Variants in EPHB1 observed in about 807,000 individuals in gnomAD.
EPHB1 encodes the protein ephrin type-B receptor 1.
EPHB1 carries 30 observed loss-of-function variants against 94.4 expected under a neutral mutation model. The ratio of observed to expected loss-of-function variants is 0.32; its 90% confidence interval spans 0.24 to 0.43. EPHB1 has a LOEUF of 0.43. Ranked by LOEUF, EPHB1 falls within the 20% of genes least tolerant of loss-of-function variation. The probability of loss-of-function intolerance (pLI) is 1.00; values close to 1 mark genes in which losing one functional copy is unlikely to be tolerated. For missense variants in EPHB1, 1,055 were observed against 1,308.3 expected (o/e 0.81, Z 2.99); for synonymous variants, 522 against 489.1 (o/e 1.07, Z -0.89).
chr3:135,091,182 C>A (rs981876145), intron 3 of EPHB1, among the ~76,000 whole-genome samples: 3 of 152,194 alleles, frequency 2.0e-5, no homozygotes, highest in African/African-American at 7.2e-5. Flanking sequence ...GTGGGACCAA[C>A]TACAAAGCTG....
chr3:134,928,628 C>T (rs910669295), intron 2 of EPHB1, among the ~76,000 whole-genome samples: 1 of 152,158 alleles, frequency 6.6e-6, no homozygotes, highest in Non-Finnish European at 1.5e-5. Context: ...AAGCTTGAAG[C>T]GTCTCTGAGG....
chr3:134,866,332 G>A lies in EPHB1; in HGVS notation c.59-59484G>A, dbSNP rs145552667. On this transcript the variant is annotated intron_variant, in intron 1 of 15. Transcript: ENST00000398015. ...GTATGTGACAAAGAAAGAGTCACTC[G>A]AGGAGTACTGACTGCTCTCGGCTGG... 3.9e-4 allele frequency among the ~76,000 whole-genome samples: 59 copies of A among 152,326 alleles called. No homozygotes were observed. In the East Asian group the frequency reaches 0.011, roughly 29 times the overall value.
intron 1 of EPHB1, among the ~76,000 whole-genome samples, chr3:134,854,266 A>G (rs558013096): frequency 2.0e-4 from 31 of 152,116 alleles, no homozygotes; most frequent in African/African-American, 6.3e-4. Flanking sequence ...GCCTCTTGTG[A>G]GTGGAGGAAT....
chr3:134,798,917 G>A (rs1245264425), intron 1 of EPHB1, among the ~76,000 whole-genome samples: 1 of 152,226 alleles, frequency 6.6e-6, no homozygotes, highest in Non-Finnish European at 1.5e-5. Flanking sequence ...CCATGCACCT[G>A]CAGAAGGCCT....
At chr3:135,131,753 C>A (rs1203697521) in intron 4 of EPHB1, among the ~76,000 whole-genome samples, 1 of 152,178 alleles carries the variant, frequency 6.6e-6, no homozygotes, top group African/African-American at 2.4e-5. Flanking sequence ...TGAAAAGTAG[C>A]CATAAACAGA....
intron 1 of EPHB1, among the ~76,000 whole-genome samples, chr3:134,890,481 T>C (rs1257318335): frequency 1.3e-5 from 2 of 152,250 alleles, no homozygotes; most frequent in African/African-American, 2.4e-5. Flanking sequence ...ACTAACACTC[T>C]TGCATGTACC....
At chr3:134,816,886 G>T (rs2036283886) in intron 1 of EPHB1, among the ~76,000 whole-genome samples, 1 of 152,068 alleles carries the variant, frequency 6.6e-6, no homozygotes, top group Middle Eastern at 3.4e-3. Context: ...GGGCTTCCTG[G>T]GGCACTCACC....
intron 3 of EPHB1, among the ~76,000 whole-genome samples, chr3:134,967,525 T>C (rs1401364090): frequency 2.0e-5 from 3 of 152,130 alleles, no homozygotes; most frequent in Admixed American, 1.3e-4. Context: ...GTGGATCTTA[T>C]AATAGTTATA....
At chr3:135,227,210 A>C (rs552928663) in intron 12 of EPHB1, among the ~76,000 whole-genome samples, 4 of 152,374 alleles carry the variant, frequency 2.6e-5, no homozygotes, top group African/African-American at 4.8e-5. Context: ...GTTTAAAGTA[A>C]AAAGTGAGTC....
intron 5 of EPHB1, among the ~76,000 whole-genome samples, chr3:135,141,615 G>GCTAC (rs1940833276): frequency 6.6e-6 from 1 of 152,178 alleles, no homozygotes; most frequent in Non-Finnish European, 1.5e-5. Flanking sequence ...GTGAGGTCCT[G>GCTAC]CTACCATCTG....
At chr3:135,030,010 T>C (rs1398451483) in intron 3 of EPHB1, among the ~76,000 whole-genome samples, 6 of 151,422 alleles carry the variant, frequency 4.0e-5, no homozygotes, top group Admixed American at 6.6e-5. Context: ...TTCCAGTTGA[T>C]TGCATCGGCT....
intron 6 of EPHB1, among the ~76,000 whole-genome samples, chr3:135,157,644 G>C (rs1205756744): frequency 6.6e-6 from 1 of 152,174 alleles, no homozygotes; most frequent in Non-Finnish European, 1.5e-5. Context: ...GCAAATATTG[G>C]TTACCATTTG....
At chr3:134,909,839 A>G (rs1355576229) in intron 1 of EPHB1, among the ~76,000 whole-genome samples, 11 of 152,208 alleles carry the variant, frequency 7.2e-5, no homozygotes, top group Admixed American at 7.2e-4. Context: ...GGAAGAGGTG[A>G]CTTCCAGATT....
intron 1 of EPHB1, among the ~76,000 whole-genome samples, chr3:134,806,192 T>C (rs1578099916): frequency 1.3e-5 from 2 of 152,362 alleles, no homozygotes; most frequent in East Asian, 1.9e-4. Context: ...TGAATATGGA[T>C]TGGCCTTAGG....
intron 12 of EPHB1, among the ~76,000 whole-genome samples, chr3:135,232,862 C>A (rs994610348): frequency 3.9e-5 from 6 of 152,050 alleles, no homozygotes; most frequent in Non-Finnish European, 5.9e-5. Context: ...AAGTGCCAAG[C>A]AAAAGGGGGG....
intron 2 of EPHB1, among the ~76,000 whole-genome samples, chr3:134,949,386 A>G (rs1238818447): frequency 1.3e-5 from 2 of 151,254 alleles, no homozygotes; most frequent in Non-Finnish European, 2.9e-5. Context: ...CTGGGCATGC[A>G]GGGCCAGCTC....
At chr3:135,108,911 C>G (rs1302948406) in intron 4 of EPHB1, among the ~76,000 whole-genome samples, 1 of 152,160 alleles carries the variant, frequency 6.6e-6, no homozygotes, top group Non-Finnish European at 1.5e-5. Flanking sequence ...TAAAGACAGA[C>G]TACCAGGACA....
At chr3:135,194,498 A>T (rs1942544094) in intron 11 of EPHB1, among the ~76,000 whole-genome samples, 1 of 152,202 alleles carries the variant, frequency 6.6e-6, no homozygotes. Flanking sequence ...TGGAACAGCG[A>T]AACAGTGTAT....
chr3:134,950,571 C>A (rs1932986695), intron 2 of EPHB1, among the ~76,000 whole-genome samples: 1 of 152,156 alleles, frequency 6.6e-6, no homozygotes, highest in South Asian at 2.1e-4. Context: ...CCACTCATGG[C>A]AGGCCAGGGG....
Sources: gnomAD v4.1 joint callset for allele counts (sites outside exome capture counted in the v4.1 genomes callset) on GRCh38, gnomAD v4.1.1 for gene constraint, MANE v1.5 for transcripts, NCBI Gene and HGNC (gene_info 2026-07-23, HGNC 2026-07-21) for gene names.